Variants in NFIB observed in about 807,000 individuals in gnomAD.
The protein encoded by NFIB is nuclear factor 1 B-type.
Under a neutral mutation model 61.5 loss-of-function variants are expected in NFIB, and 11 were observed. That is an observed-to-expected ratio of 0.18 (90% CI 0.11 to 0.30). The LOEUF is 0.30. Ranked by LOEUF, NFIB falls within the 10% of genes least tolerant of loss-of-function variation. The pLI, the probability that NFIB is intolerant of heterozygous loss-of-function variation, is 1.00. For missense variants in NFIB, 471 were observed against 608.9 expected (o/e 0.77, Z 2.38); for synonymous variants, 260 against 216.5 (o/e 1.20, Z -1.76).
intron 1 of NFIB, among the ~76,000 whole-genome samples, chr9:14,312,770 G>C (rs531760704): frequency 6.6e-6 from 1 of 152,198 alleles, no homozygotes; most frequent in South Asian, 2.1e-4. Context: ...CCCAAATATC[G>C]TCAAATGAAC....
At chr9:14,124,694 T>C (rs948073652) in intron 7 of NFIB, among the ~76,000 whole-genome samples, 4 of 152,188 alleles carry the variant, frequency 2.6e-5, no homozygotes, top group Admixed American at 1.3e-4. Flanking sequence ...GTACACAGTG[T>C]TAATTATTAG....
intron 2 of NFIB, among the ~76,000 whole-genome samples, chr9:14,235,555 T>C (rs2053654912): frequency 1.3e-5 from 2 of 152,372 alleles, no homozygotes; most frequent in East Asian, 1.9e-4. Flanking sequence ...TATTTGGTTA[T>C]ATGTCACTTA....
the NFIB span, among the ~76,000 whole-genome samples, chr9:14,453,704 G>A: frequency 6.4e-3 from 972 of 152,242 alleles, 13 homozygotes; most frequent in African/African-American, 0.022. Flanking sequence ...GTACATTCCC[G>A]TTTGAAATGG....
the NFIB span, among the ~76,000 whole-genome samples, chr9:14,456,539 A>G: frequency 1.3e-5 from 2 of 152,328 alleles, no homozygotes; most frequent in East Asian, 1.9e-4. Context: ...ATATCAACAC[A>G]TAGTTCAAAG....
the NFIB span, among the ~76,000 whole-genome samples, chr9:14,405,805 C>T: frequency 6.6e-6 from 1 of 152,112 alleles, no homozygotes. Flanking sequence ...TATTTAGCCC[C>T]GATGGGTTCA....
At chr9:14,416,681 C>G in the NFIB span, among the ~76,000 whole-genome samples, 1 of 151,828 alleles carries the variant, frequency 6.6e-6, no homozygotes. Context: ...TACAAGTAAG[C>G]TAAGACTAAT....
the NFIB span, among the ~76,000 whole-genome samples, chr9:14,419,875 G>A: frequency 2.6e-5 from 4 of 152,172 alleles, no homozygotes; most frequent in Non-Finnish European, 5.9e-5. Context: ...ATGAACCTGA[G>A]CTTGTGAATA....
At chr9:14,223,390 T>C (rs906724869) in intron 2 of NFIB, among the ~76,000 whole-genome samples, 3 of 152,222 alleles carry the variant, frequency 2.0e-5, no homozygotes, top group African/African-American at 7.2e-5. Flanking sequence ...CTCCACTGCA[T>C]TGCTTTTCTG....
intron 2 of NFIB, among the ~76,000 whole-genome samples, chr9:14,246,188 A>C (rs766499708): frequency 5.3e-5 from 8 of 151,902 alleles, no homozygotes; most frequent in African/African-American, 9.7e-5. Flanking sequence ...ACCCAGACCT[A>C]ATTTTAACAC....
At chr9:14,354,813 T>TGTGTGA (rs2061156253) in intron 1 of NFIB, among the ~76,000 whole-genome samples, 1 of 146,106 alleles carries the variant, frequency 6.8e-6, no homozygotes, top group Admixed American at 6.8e-5. Flanking sequence ...TGTGTGTGTG[T>TGTGTGA]GTGTAGAAAT....
intron 6 of NFIB, among the ~76,000 whole-genome samples, chr9:14,140,599 T>C (rs2041580326): frequency 6.6e-6 from 1 of 152,212 alleles, no homozygotes; most frequent in African/African-American, 2.4e-5. Context: ...ACCACTCTTT[T>C]GTATGTAGCA....
At chr9:14,414,188 A>T in the NFIB span, among the ~76,000 whole-genome samples, 2 of 152,156 alleles carry the variant, frequency 1.3e-5, no homozygotes, top group African/African-American at 4.8e-5. Flanking sequence ...CTGTAATCCT[A>T]GCACTTTGGG....
chr9:14,241,979 C>A (rs1413756021), intron 2 of NFIB, among the ~76,000 whole-genome samples: 1 of 152,078 alleles, frequency 6.6e-6, no homozygotes, highest in Non-Finnish European at 1.5e-5. Flanking sequence ...GAGTGAGCCT[C>A]CTACCATATG....
chr9:14,338,384 A>G (rs1219495989), intron 1 of NFIB, among the ~76,000 whole-genome samples: 1 of 102,680 alleles, frequency 9.7e-6, no homozygotes, highest in East Asian at 2.9e-4. Flanking sequence ...ACAGAGCGAG[A>G]CTCTGTCTCA....
At chr9:14,139,146 A>T (rs1255934408) in intron 6 of NFIB, among the ~76,000 whole-genome samples, 1 of 152,196 alleles carries the variant, frequency 6.6e-6, no homozygotes, top group Non-Finnish European at 1.5e-5. Flanking sequence ...GCAGGATAAC[A>T]GAAAATGAAA....
chr9:14,168,592 CT>C lies in NFIB; in HGVS notation c.616+11134del, dbSNP rs1563857891. On this transcript the variant is annotated intron_variant, in intron 3 of 10. Transcript: ENST00000380953. Reference sequence around the variant, plus strand: ...GCTAGGCTTAGGCTAGAGTGGAGACCTTGGAACCATACAAGGAGGTGAATGA... The same window carrying C: ...GCTAGGCTTAGGCTAGAGTGGAGACCTGGAACCATACAAGGAGGTGAATGA... 4.5e-4 allele frequency among the ~76,000 whole-genome samples: 69 copies of C among 152,252 alleles called. 2 individuals are homozygous for C. In the East Asian group the frequency reaches 0.01, roughly 22 times the overall value.
chr9:14,417,451 T>C, the NFIB span, among the ~76,000 whole-genome samples: 3 of 152,206 alleles, frequency 2.0e-5, no homozygotes, highest in African/African-American at 7.2e-5. Flanking sequence ...TCAGAACGTA[T>C]TCATCGTGAC....
intron 6 of NFIB, among the ~76,000 whole-genome samples, chr9:14,135,574 T>C (rs1287380408): frequency 6.6e-6 from 1 of 152,212 alleles, no homozygotes; most frequent in Non-Finnish European, 1.5e-5. Flanking sequence ...CTCTGAATGT[T>C]ATGACAAGAC....
the NFIB span, among the ~76,000 whole-genome samples, chr9:14,462,763 C>T: frequency 6.6e-6 from 1 of 152,122 alleles, no homozygotes; most frequent in Non-Finnish European, 1.5e-5. Context: ...GACTATGGGG[C>T]CTCTAGGCTC....
Sources: allele counts gnomAD v4.1 joint callset (sites outside exome capture counted in the v4.1 genomes callset), GRCh38; gene constraint gnomAD v4.1.1; transcripts MANE v1.5; gene names NCBI Gene and HGNC (gene_info 2026-07-23, HGNC 2026-07-21).